The following RUNDC3B variants were observed in gnomAD, a reference collection of about 807,000 sequenced individuals.
RUNDC3B encodes RUN domain-containing protein 3B.
A neutral mutation model predicts 58.4 loss-of-function variants in RUNDC3B; 33 were observed. That is an observed-to-expected ratio of 0.56 (90% confidence interval 0.43 to 0.75). The LOEUF is 0.75. Ranked by LOEUF, RUNDC3B falls within the 30% of genes least tolerant of loss-of-function variation. The probability of loss-of-function intolerance (pLI) is 0.00; values close to 1 mark genes in which losing one functional copy is unlikely to be tolerated. For missense variants in RUNDC3B, 501 were observed against 535.7 expected, an observed-to-expected ratio of 0.94 and a Z score of 0.64; for synonymous variants, 193 against 195.2, an observed-to-expected ratio of 0.99 and a Z score of 0.10.
At position 87,753,569 on chromosome 7, in the gene RUNDC3B, G is replaced by A. The variant is rs1018383751; in HGVS notation, c.629+11990G>A. On this transcript the variant is annotated intron_variant, in intron 6 of 10. Coordinates refer to ENST00000394654, the MANE Select transcript of RUNDC3B (RefSeq NM_001134405.2). The stretch of plus-strand genomic sequence containing the variant: ...GAATCTGGGTGCTCCTGCATTGGGT[G>A]CATATATATTTAGGATAGTTAGCTC... 9.2e-5 allele frequency among the ~76,000 whole-genome samples: 14 copies of A among 152,302 alleles called. No individual in the cohort carries two copies. In the South Asian group the frequency reaches 1.5e-3, roughly 16 times the overall value.
intron 6 of RUNDC3B, among the ~76,000 whole-genome samples, chr7:87,749,735 TAAAG>T (rs1439565533): frequency 6.6e-6 from 1 of 152,044 alleles, no homozygotes; most frequent in Non-Finnish European, 1.5e-5. Flanking sequence ...ATAAAATAAA[TAAAG>T]ATAGCGGAAA....
At chr7:87,638,270 C>T (rs1332404857) in intron 1 of RUNDC3B, among the ~76,000 whole-genome samples, 2 of 150,664 alleles carry the variant, frequency 1.3e-5, no homozygotes, top group African/African-American at 4.9e-5. Context: ...TGTGATTGTC[C>T]TTTCTTATAA....
chr7:87,757,766 G>A (rs571035313), intron 6 of RUNDC3B, among the ~76,000 whole-genome samples: 2 of 152,230 alleles, frequency 1.3e-5, no homozygotes, highest in East Asian at 1.9e-4. Context: ...ATACTATAGA[G>A]CTATAGTAAC....
intron 2 of RUNDC3B, among the ~76,000 whole-genome samples, chr7:87,678,214 A>C (rs1826573126): frequency 6.6e-6 from 1 of 152,182 alleles, no homozygotes; most frequent in South Asian, 2.1e-4. Context: ...TCAGCCTCTC[A>C]AAGTTCTGGG....
At chr7:87,709,489 A>C in intron 3 of RUNDC3B, 1 of 985,410 alleles carries the variant, frequency 1.0e-6, no homozygotes, top group East Asian at 1.1e-4. Context: ...AGGGCAAGCT[A>C]AAAGGGATGT....
intron 7 of RUNDC3B, among the ~76,000 whole-genome samples, chr7:87,776,229 G>A (rs1050503296): frequency 1.3e-5 from 2 of 152,030 alleles, no homozygotes; most frequent in African/African-American, 4.8e-5. Context: ...ACTCTTGGAT[G>A]TGCATACCAG....
At chr7:87,813,450 T>G (rs1836835417) in intron 9 of RUNDC3B, among the ~76,000 whole-genome samples, 1 of 152,166 alleles carries the variant, frequency 6.6e-6, no homozygotes, top group Non-Finnish European at 1.5e-5. Context: ...GTCTTTTTGC[T>G]TATGGATATT....
chr7:87,808,023 T>A (rs1053593279), intron 9 of RUNDC3B, among the ~76,000 whole-genome samples: 1 of 152,136 alleles, frequency 6.6e-6, no homozygotes, highest in Non-Finnish European at 1.5e-5. Flanking sequence ...TTAGTTACAG[T>A]ATCCTAATGT....
chr7:87,754,867 A>G (rs552318276), intron 6 of RUNDC3B, among the ~76,000 whole-genome samples: 1 of 151,406 alleles, frequency 6.6e-6, no homozygotes, highest in South Asian at 2.1e-4. Flanking sequence ...CCAAGACTGA[A>G]GCAGGAAGAA....
intron 6 of RUNDC3B, among the ~76,000 whole-genome samples, chr7:87,756,158 G>A (rs895369031): frequency 7.2e-5 from 11 of 152,010 alleles, no homozygotes; most frequent in Non-Finnish European, 1.3e-4. Flanking sequence ...GTATTTGTAA[G>A]TTTTACCAAA....
chr7:87,640,169 A>G (rs916050607), intron 1 of RUNDC3B, among the ~76,000 whole-genome samples: 3 of 149,330 alleles, frequency 2.0e-5, no homozygotes, highest in Non-Finnish European at 4.4e-5. Context: ...CCCACATCCT[A>G]AAACATACTT....
At chr7:87,663,452 C>T (rs991665344) in intron 2 of RUNDC3B, among the ~76,000 whole-genome samples, 18 of 151,960 alleles carry the variant, frequency 1.2e-4, no homozygotes, top group African/African-American at 4.3e-4. Context: ...TTTCTTCTAC[C>T]GCTACTATGT....
intron 4 of RUNDC3B, among the ~76,000 whole-genome samples, chr7:87,715,389 AT>A (rs1830488283): frequency 8.3e-6 from 1 of 121,196 alleles, no homozygotes. Flanking sequence ...AATCAATATA[AT>A]ATAATATATT....
rs1443037480 is a variant in RUNDC3B, at chr7:87,755,220, A to G, written c.629+13641A>G. Among the ~76,000 whole-genome samples the G allele has an allele frequency of 3.3e-5, 5 of 152,162 alleles. No homozygotes were observed. The South Asian group carries it at 8.3e-4, about 25-fold the overall frequency. On this transcript the variant is annotated intron_variant, in intron 6 of 10. Transcript: ENST00000394654. ...GTATTATTAGTAGATATGGGGTTTC[A>G]TCATGTTGGCCAGGCTGGTCTCAAA...
At chr7:87,742,583 G>GATAT (rs1449690576) in intron 6 of RUNDC3B, among the ~76,000 whole-genome samples, 1 of 145,018 alleles carries the variant, frequency 6.9e-6, no homozygotes, top group South Asian at 2.2e-4. Flanking sequence ...TAAATAGATA[G>GATAT]ATAGATAGAT....
In RUNDC3B at chr7:87,816,273, A is replaced by G. The variant is rs1027266411; in HGVS notation, c.1225+11A>G. On this transcript the variant is annotated intron_variant, in intron 10 of 10. Transcript: ENST00000394654. ...ATGTAATGAGTGAAGGTAAGAAAAC[A>G]AAGAACTATTTGAAAATTACTCTTT... The G allele has an allele frequency of 6.9e-6, 11 of 1,602,840 alleles. No homozygotes were observed. The African/African-American group carries it at 1.3e-4, about 20-fold the overall frequency.
intron 8 of RUNDC3B, among the ~76,000 whole-genome samples, chr7:87,802,200 T>C (rs1563219363): frequency 6.6e-6 from 1 of 151,998 alleles, no homozygotes; most frequent in Non-Finnish European, 1.5e-5. Flanking sequence ...GAGACCAGCC[T>C]AGACAACAGG....
chr7:87,794,553 C>T (rs1835706334), intron 8 of RUNDC3B, among the ~76,000 whole-genome samples: 2 of 151,818 alleles, frequency 1.3e-5, no homozygotes, highest in Non-Finnish European at 2.9e-5. Context: ...ATTAAAATGT[C>T]CATTGTACCC....
At chr7:87,758,416 C>A (rs896045367) in intron 6 of RUNDC3B, among the ~76,000 whole-genome samples, 1 of 152,108 alleles carries the variant, frequency 6.6e-6, no homozygotes, top group Non-Finnish European at 1.5e-5. Flanking sequence ...TTGGCCTGAG[C>A]AAAGATTTCC....
Sources: gnomAD v4.1 joint callset for allele counts (sites outside exome capture counted in the v4.1 genomes callset) on GRCh38, gnomAD v4.1.1 for gene constraint, MANE v1.5 for transcripts, NCBI Gene and HGNC (gene_info 2026-07-23, HGNC 2026-07-21) for gene names.